Variants in RCAN2 observed in about 807,000 individuals in gnomAD.
The protein encoded by RCAN2 is regulator of calcineurin 2.
RCAN2 carries 9 observed loss-of-function variants against 23.6 expected under a neutral mutation model. That is an observed-to-expected ratio of 0.38 (90% CI 0.23 to 0.67). The LOEUF (loss-of-function observed/expected upper bound fraction) is 0.67. RCAN2 is among the 30% of genes least tolerant of loss of function. RCAN2 has a pLI of 0.51. For missense variants in RCAN2, 273 were observed against 302.3 expected, an observed-to-expected ratio of 0.90 and a Z score of 0.72; for synonymous variants, 109 against 115.7, an observed-to-expected ratio of 0.94 and a Z score of 0.37.
intron 2 of RCAN2, among the ~76,000 whole-genome samples, chr6:46,384,697 T>C (rs993622310): frequency 6.6e-6 from 1 of 152,222 alleles, no homozygotes; most frequent in Non-Finnish European, 1.5e-5. Flanking sequence ...TGATTACATT[T>C]ACAAGAAATG....
intron 2 of RCAN2, among the ~76,000 whole-genome samples, chr6:46,415,328 C>T (rs964107234): frequency 2.0e-5 from 3 of 152,094 alleles, no homozygotes; most frequent in African/African-American, 7.2e-5. Context: ...CTGAATCAAA[C>T]ATGTCTCTAA....
chr6:46,409,119 T>C (rs1766484287), intron 2 of RCAN2, among the ~76,000 whole-genome samples: 1 of 152,190 alleles, frequency 6.6e-6, no homozygotes, highest in Non-Finnish European at 1.5e-5. Context: ...TAGGAGTCTT[T>C]AGGGGAAGAC....
chr6:46,250,432 C>A (rs375229951), intron 2 of RCAN2, among the ~76,000 whole-genome samples: 5 of 152,254 alleles, frequency 3.3e-5, no homozygotes, highest in Admixed American at 1.3e-4. Context: ...AAGGTAATTT[C>A]TCATAACAGT....
chr6:46,280,644 A>G (rs1164655216), intron 2 of RCAN2, among the ~76,000 whole-genome samples: 2 of 152,200 alleles, frequency 1.3e-5, no homozygotes, highest in African/African-American at 4.8e-5. Context: ...GCTGGTTCCA[A>G]TGAAGCCTTG....
At chr6:46,242,753 A>C (rs1766351318) in intron 4 of RCAN2, among the ~76,000 whole-genome samples, 1 of 152,242 alleles carries the variant, frequency 6.6e-6, no homozygotes, top group Admixed American at 6.5e-5. Flanking sequence ...AAGTCCTCTA[A>C]TTATAGAAAA....
chr6:46,467,622 G>A (rs758110946), intron 1 of RCAN2, among the ~76,000 whole-genome samples: 4 of 151,904 alleles, frequency 2.6e-5, no homozygotes, highest in Non-Finnish European at 5.9e-5. Context: ...CTTGAATTTT[G>A]GCACTGCCAC....
chr6:46,425,868 C>T (rs1767016171), intron 2 of RCAN2, among the ~76,000 whole-genome samples: 2 of 150,148 alleles, frequency 1.3e-5, no homozygotes, highest in Non-Finnish European at 3.0e-5. Flanking sequence ...GAAGTTTGTT[C>T]AGATAGAGGC....
chr6:46,470,295 G>T (rs1317217915), intron 1 of RCAN2, among the ~76,000 whole-genome samples: 5 of 152,158 alleles, frequency 3.3e-5, no homozygotes, highest in African/African-American at 1.2e-4. Context: ...TTAGAGGAGA[G>T]AACTAGGACC....
At chr6:46,418,379 C>A (rs1263833767) in intron 2 of RCAN2, among the ~76,000 whole-genome samples, 1 of 152,184 alleles carries the variant, frequency 6.6e-6, no homozygotes, top group East Asian at 1.9e-4. Flanking sequence ...ATTAAAGCTG[C>A]CACTTTTTCG....
At chr6:46,421,202 GCAATGATGTACAAAACA>G (rs1434741911) in intron 2 of RCAN2, among the ~76,000 whole-genome samples, 1 of 152,158 alleles carries the variant, frequency 6.6e-6, no homozygotes, top group Non-Finnish European at 1.5e-5. Flanking sequence ...AGAGCAATGG[GCAATGATGTACAAAACA>G]GATTAAATGG....
chr6:46,241,595 G>T (rs1766308177), intron 4 of RCAN2, among the ~76,000 whole-genome samples: 1 of 152,202 alleles, frequency 6.6e-6, no homozygotes, highest in South Asian at 2.1e-4. Context: ...AAGTTGTTTT[G>T]TATTCTTAAA....
rs145796607 is a variant in RCAN2, at chr6:46,458,075, C to T, written c.-2-1097G>A. Among the ~76,000 whole-genome samples, 8 of 152,298 alleles carry T rather than the reference C, an allele frequency of 5.3e-5. No individual in the cohort carries two copies. In the East Asian group the frequency reaches 1.5e-3, roughly 29 times the overall value. ...GTGAAATAACTTGCTCATGGTTACG[C>T]AAGTAAGACTGACTGAAAATTATGA... On this transcript the variant is annotated intron_variant, in intron 1 of 4. Transcript: ENST00000371374.
In RCAN2 at chr6:46,251,057, G is replaced by A. The variant is rs142655527; in HGVS notation, c.226-2161C>T. Among the ~76,000 whole-genome samples the A allele has an allele frequency of 5.4e-3, 817 of 152,218 alleles. 6 individuals carry two copies. Among genetic ancestry groups the A allele is most frequent in the South Asian group, 0.021 (102 of 4,826 alleles). On this transcript the variant is annotated intron_variant, in intron 2 of 4. Transcript: ENST00000371374. ...TACAATAAAAGCTTTTGCTTTTTTT[G>A]TGACATTTGTGGAGATTTGAGGGGT...
chr6:46,408,035 T>C (rs1766450172), intron 2 of RCAN2, among the ~76,000 whole-genome samples: 2 of 152,130 alleles, frequency 1.3e-5, no homozygotes. Context: ...ATTTACAAAA[T>C]CCATGATTAT....
At chr6:46,257,945 G>A (rs1444356439) in intron 2 of RCAN2, among the ~76,000 whole-genome samples, 1 of 152,220 alleles carries the variant, frequency 6.6e-6, no homozygotes, top group East Asian at 1.9e-4. Flanking sequence ...CAAAAGAACA[G>A]TGCTGACTTT....
chr6:46,275,200 TGTAA>T (rs1767654625), intron 2 of RCAN2, among the ~76,000 whole-genome samples: 1 of 151,822 alleles, frequency 6.6e-6, no homozygotes, highest in Non-Finnish European at 1.5e-5. Flanking sequence ...AGGAATCATG[TGTAA>T]GTGTTTTAAA....
At chr6:46,280,477 C>CCACA (rs142122139) in intron 2 of RCAN2, among the ~76,000 whole-genome samples, 6 of 149,658 alleles carry the variant, frequency 4.0e-5, no homozygotes, top group South Asian at 4.2e-4. Flanking sequence ...GATTAGAAGA[C>CCACA]CACACACACA....
At chr6:46,297,885 G>A (rs1486745622) in intron 2 of RCAN2, among the ~76,000 whole-genome samples, 4 of 151,930 alleles carry the variant, frequency 2.6e-5, no homozygotes, top group Middle Eastern at 3.4e-3. Context: ...TAGAGAGAAC[G>A]AGAAGGAAAA....
At chr6:46,453,155 G>A (rs903998345) in intron 2 of RCAN2, among the ~76,000 whole-genome samples, 8 of 152,256 alleles carry the variant, frequency 5.3e-5, no homozygotes, top group Middle Eastern at 3.4e-3. Flanking sequence ...GCTGGATCCC[G>A]AAAGATGAAC....
Sources: allele counts gnomAD v4.1 joint callset (sites outside exome capture counted in the v4.1 genomes callset), GRCh38; gene constraint gnomAD v4.1.1; transcripts MANE v1.5; gene names NCBI Gene and HGNC (gene_info 2026-07-23, HGNC 2026-07-21).